SNX3: variants seen among roughly 807,000 people sequenced by gnomAD.
SNX3 encodes sorting nexin-3.
A neutral mutation model predicts 17.7 loss-of-function variants in SNX3; 5 were observed. The ratio of observed to expected loss-of-function variants is 0.28; its 90% CI spans 0.15 to 0.59. The LOEUF is 0.59. Ranked by LOEUF, SNX3 falls within the 20% of genes least tolerant of loss-of-function variation. SNX3 has a pLI of 0.88. For missense variants in SNX3, 132 were observed against 206.8 expected, an observed-to-expected ratio of 0.64 and a Z score of 2.22; for synonymous variants, 91 against 76.5, an observed-to-expected ratio of 1.19 and a Z score of -0.99.
In SNX3 at chr6:108,243,727, G is replaced by T. The variant is rs530034364; in HGVS notation, c.162+17033C>A. Reference sequence around the variant, plus strand: ...CGGGGTGGATCACCTGAGGTCGAGAGTTTGAGACCAGCCTGGTCAACATGG... The same window carrying T: ...CGGGGTGGATCACCTGAGGTCGAGATTTTGAGACCAGCCTGGTCAACATGG... On this transcript the variant is annotated intron_variant, in intron 1 of 3. Transcript: ENST00000230085. Among the ~76,000 whole-genome samples, 5 of 152,220 alleles carry T rather than the reference G, an allele frequency of 3.3e-5. No individual in the cohort carries two copies. In the East Asian group the frequency reaches 9.6e-4, roughly 29 times the overall value.
At chr6:108,227,815 GT>G (rs76937863) in intron 1 of SNX3, among the ~76,000 whole-genome samples, 1,958 of 145,196 alleles carry the variant, frequency 0.013, 18 homozygotes, top group Non-Finnish European at 0.018. Flanking sequence ...CAAAATGTGG[GT>G]TTTTTTTTTT....
intron 1 of SNX3, among the ~76,000 whole-genome samples, chr6:108,228,554 A>T (rs1318086019): frequency 6.6e-6 from 1 of 152,002 alleles, no homozygotes; most frequent in Non-Finnish European, 1.5e-5. Context: ...TTAAAAAAAA[A>T]AAAATTAGCT....
chr6:108,253,593 TTCTA>T (rs1562441656), intron 1 of SNX3, among the ~76,000 whole-genome samples: 1 of 152,166 alleles, frequency 6.6e-6, no homozygotes, highest in Non-Finnish European at 1.5e-5. Context: ...CCAAAAAGTT[TTCTA>T]TCTTTGACAA....
chr6:108,219,442 C>T (rs1774686752), intron 2 of SNX3, among the ~76,000 whole-genome samples: 1 of 151,960 alleles, frequency 6.6e-6, no homozygotes, highest in Non-Finnish European at 1.5e-5. Context: ...CTCATCCTTA[C>T]AAAAAATTTT....
At chr6:108,225,032 C>A (rs1396249606) in intron 1 of SNX3, among the ~76,000 whole-genome samples, 1 of 152,154 alleles carries the variant, frequency 6.6e-6, no homozygotes. Flanking sequence ...ACTGTAATCC[C>A]AGCACTTTGA....
chr6:108,254,463 T>G (rs935615365), intron 1 of SNX3, among the ~76,000 whole-genome samples: 1 of 152,140 alleles, frequency 6.6e-6, no homozygotes, highest in Admixed American at 6.6e-5. Context: ...TGAGACCCTG[T>G]CTCAAACAAA....
At chr6:108,236,446 G>C (rs865796896) in intron 1 of SNX3, among the ~76,000 whole-genome samples, 33 of 148,300 alleles carry the variant, frequency 2.2e-4, no homozygotes, top group African/African-American at 3.0e-4. Context: ...TGCAGTGGCG[G>C]GATCTCGGCT....
chr6:108,247,957 A>G (rs2114758536), intron 1 of SNX3, among the ~76,000 whole-genome samples: 1 of 152,216 alleles, frequency 6.6e-6, no homozygotes, highest in East Asian at 1.9e-4. Context: ...AAAAATTAAA[A>G]TAACAATTTT....
chr6:108,216,062 TG>T (rs1479199699), intron 2 of SNX3, among the ~76,000 whole-genome samples: 1 of 152,172 alleles, frequency 6.6e-6, no homozygotes, highest in Non-Finnish European at 1.5e-5. Context: ...AGTTTTGTAC[TG>T]GGGGGCTTTC....
chr6:108,241,742 A>T (rs1168235584), intron 1 of SNX3, among the ~76,000 whole-genome samples: 1 of 152,084 alleles, frequency 6.6e-6, no homozygotes, highest in Non-Finnish European at 1.5e-5. Context: ...AATCTAACTC[A>T]GAGTCTCTAC....
intron 2 of SNX3, among the ~76,000 whole-genome samples, chr6:108,220,968 C>CAAAAAA (rs561160526): frequency 7.2e-6 from 1 of 138,714 alleles, no homozygotes. Context: ...GGCTCAGTCT[C>CAAAAAA]AAAAAAAAAA....
Position 108,217,215 on chromosome 6 carries a change from A to C in SNX3, c.259-2593T>G, listed in dbSNP as rs575841400. 6.0e-5 allele frequency among the ~76,000 whole-genome samples: 9 copies of C among 151,062 alleles called. No homozygotes were observed. In the South Asian group the frequency reaches 1.2e-3, roughly 21 times the overall value. ...GAAGGAAAATGATAAAAAATGTAAC[A>C]ATATATATATAATTAAATATATATA... On this transcript the variant is annotated intron_variant, in intron 2 of 3. Coordinates refer to ENST00000230085, the MANE Select transcript of SNX3 (RefSeq NM_003795.6).
chr6:108,213,246 C>A (rs1774462489), intron 3 of SNX3, among the ~76,000 whole-genome samples: 1 of 151,950 alleles, frequency 6.6e-6, no homozygotes, highest in Admixed American at 6.6e-5. Flanking sequence ...CAATGAAGTT[C>A]AATAAAAGCC....
intron 3 of SNX3, 58 bp downstream of exon 3, chr6:108,214,440 T>G: frequency 6.4e-7 from 1 of 1,560,502 alleles, no homozygotes; most frequent in Non-Finnish European, 8.7e-7. Flanking sequence ...GCTTAACATC[T>G]AAACTACAAG....
intron 1 of SNX3, among the ~76,000 whole-genome samples, chr6:108,258,301 T>C (rs560087777): frequency 6.6e-6 from 1 of 151,254 alleles, no homozygotes; most frequent in African/African-American, 2.4e-5. Flanking sequence ...CTACTAAAAA[T>C]ACAAAAATTA....
chr6:108,257,221 A>C (rs1776056810), intron 1 of SNX3, among the ~76,000 whole-genome samples: 1 of 152,230 alleles, frequency 6.6e-6, no homozygotes, highest in South Asian at 2.1e-4. Flanking sequence ...TTAGAAAATA[A>C]TAAATAAAAT....
chr6:108,211,820 C>T lies in SNX3; in HGVS notation c.*329G>A, dbSNP rs533987504. 10 of 192,942 alleles carry T rather than the reference C, an allele frequency of 5.2e-5. 1 individual carries two copies. The highest frequency in any genetic ancestry group is 5.1e-4 in the South Asian group (5 of 9,852). 12.0% of individuals were successfully genotyped at this position (192,942 alleles called of 1,614,324 possible). On this transcript the variant is annotated 3_prime_UTR_variant, in exon 4 of 4. Transcript: ENST00000230085. ...AATCAGATGCAAGAAGCAAACAAGA[C>T]GCAAAAACTGTGCAAATAAGACCAA...
chr6:108,227,664 G>A (rs1775016258), intron 1 of SNX3, among the ~76,000 whole-genome samples: 1 of 152,144 alleles, frequency 6.6e-6, no homozygotes. Context: ...CATGAGGACT[G>A]CTTTAGAGTT....
At chr6:108,237,915 T>G (rs558597998) in intron 1 of SNX3, among the ~76,000 whole-genome samples, 1 of 150,600 alleles carries the variant, frequency 6.6e-6, no homozygotes, top group Non-Finnish European at 1.5e-5. Context: ...CTTGGCAACA[T>G]AGCAAAACCC....
Sources: gnomAD v4.1 joint callset for allele counts (sites outside exome capture counted in the v4.1 genomes callset) on GRCh38, gnomAD v4.1.1 for gene constraint, MANE v1.5 for transcripts, NCBI Gene and HGNC (gene_info 2026-07-23, HGNC 2026-07-21) for gene names.